Variants in GDF5 observed in about 807,000 individuals in gnomAD.
The protein encoded by GDF5 is growth/differentiation factor 5.
In GDF5, 17 loss-of-function variants were observed where a neutral mutation model predicts 34.6. That is an observed-to-expected ratio of 0.49 (90% CI 0.34 to 0.74). The LOEUF is 0.74. Ranked by LOEUF, GDF5 falls within the 30% of genes least tolerant of loss-of-function variation. GDF5 has a pLI of 0.01. For missense variants in GDF5, 616 were observed against 661.2 expected, an observed-to-expected ratio of 0.93 and a Z score of 0.75; for synonymous variants, 332 against 290.7, an observed-to-expected ratio of 1.14 and a Z score of -1.44.
intron 1 of GDF5, among the ~76,000 whole-genome samples, chr20:35,448,868 G>C (rs1377512308): frequency 6.6e-6 from 1 of 152,168 alleles, no homozygotes; most frequent in African/African-American, 2.4e-5. Context: ...TCAAGCTTGG[G>C]TACGCTGGTC....
intron 1 of GDF5, chr20:35,454,075 T>A (rs1285086885): frequency 2.0e-6 from 1 of 503,060 alleles, no homozygotes; most frequent in African/African-American, 2.0e-5. Flanking sequence ...GTTTTGTTTT[T>A]AATTCCTACT....
At chr20:35,435,696 A>G (rs1455698261) in intron 1 of GDF5, among the ~76,000 whole-genome samples, 11 of 151,640 alleles carry the variant, frequency 7.3e-5, no homozygotes, top group Non-Finnish European at 1.5e-5. Context: ...CTACAGCCCA[A>G]TTTTCCTGGC....
intron 1 of GDF5, 185 bp from the exon 2 acceptor site, chr20:35,434,968 A>G: frequency 1.4e-6 from 1 of 713,970 alleles, no homozygotes; most frequent in Non-Finnish European, 2.6e-6. Flanking sequence ...CATTTCCTAC[A>G]TAGCCGACCA....
Position 35,434,713 on chromosome 20 carries a change from C to T in GDF5, c.702G>A (p.Leu234=). ...GCAAGATCCGCAGCTCGGCCCCCAGCAGCCCATCCTTCTCCAGGGCACTAA... is the reference window on the plus strand; with the variant it reads ...GCAAGATCCGCAGCTCGGCCCCCAGTAGCCCATCCTTCTCCAGGGCACTAA... ...FDISALEKDG[L]LGAELRILRK... Residue 234 remains leucine, a synonymous_variant, in exon 2 of 2, where the codon CTG becomes CTA. Transcript: ENST00000374369. The T allele has an allele frequency of 1.2e-6, 2 of 1,611,986 alleles. No homozygotes were observed. Among genetic ancestry groups the T allele is most frequent in the Non-Finnish European group, 8.5e-7 (1 of 1,179,838 alleles).
chr20:35,441,466 T>C (rs1364458333), upstream of GDF5: 1 of 152,172 alleles, frequency 6.6e-6, no homozygotes, highest in Non-Finnish European at 1.5e-5. Flanking sequence ...TTTTTTTTTT[T>C]TTTTTTTAGA....
In GDF5 at chr20:35,433,908, G is replaced by T. The variant is rs1329101335; in HGVS notation, c.*1C>A. 1 of 1,612,774 alleles carries T rather than the reference G, an allele frequency of 6.2e-7. No homozygotes were observed. ...CCCAGGAAGACAGAGGGCCAGTGCT[G>T]CTACCTGCAGCCACACGACTCCACG... On this transcript the variant is annotated 3_prime_UTR_variant, in exon 2 of 2. Coordinates refer to ENST00000374369, the MANE Select transcript of GDF5 (RefSeq NM_000557.5).
At chr20:35,452,492 G>A (rs1453952504) in intron 1 of GDF5, among the ~76,000 whole-genome samples, 4 of 152,130 alleles carry the variant, frequency 2.6e-5, no homozygotes, top group Non-Finnish European at 4.4e-5. Context: ...GTGCAATCTC[G>A]GCTCACCGCA....
At chr20:35,451,090 T>C (rs1364997010) in intron 1 of GDF5, among the ~76,000 whole-genome samples, 4 of 131,364 alleles carry the variant, frequency 3.0e-5, no homozygotes, top group African/African-American at 1.1e-4. Context: ...TATATATATA[T>C]ATACACAAAT....
chr20:35,443,963 G>A lies in GDF5; in HGVS notation c.-397-2576C>T, dbSNP rs372537053. 4.6e-5 allele frequency among the ~76,000 whole-genome samples: 7 copies of A among 152,042 alleles called. No individual in the cohort carries two copies. In the East Asian group the frequency reaches 7.7e-4, roughly 17 times the overall value. On this transcript the variant is annotated intron_variant, in intron 1 of 3. Coordinates refer to the GDF5 transcript ENST00000374372. ...TATCCGAACCTCCCGAGATCTCTCC[G>A]GGAGTCAGTCCTGCACAGCACAGCA... is the stretch of plus-strand genomic sequence containing the variant.
rs769927369 is a variant in GDF5, at chr20:35,434,494, G to A, written c.921C>T (p.Ala307=). 6.2e-7 allele frequency: 1 copy of A among 1,609,498 alleles called. No homozygotes were observed. Among genetic ancestry groups the A allele is most frequent in the Non-Finnish European group, 8.5e-7 (1 of 1,177,592 alleles). Residue 307 remains alanine, a synonymous_variant, in exon 2 of 2, where the codon GCC becomes GCT. Transcript: ENST00000374369. ...WKLFRNFKNS[A]QLCLELEAWE... ...AGGCCTCCAGCTCCAGGCACAGCTG[G>A]GCCGAGTTCTTAAAGTTTCGGAAGA...
intron 1 of GDF5, among the ~76,000 whole-genome samples, chr20:35,443,322 C>A (rs535254662): frequency 3.7e-4 from 57 of 152,206 alleles, no homozygotes; most frequent in Non-Finnish European, 6.8e-4. Context: ...CAACCTCCCC[C>A]TCTCCTGTCA....
At chr20:35,450,919 C>T (rs1202369524) in intron 1 of GDF5, among the ~76,000 whole-genome samples, 1 of 151,306 alleles carries the variant, frequency 6.6e-6, no homozygotes, top group Admixed American at 6.6e-5. Context: ...TTAATCTTCC[C>T]CAAGGAGGAA....
At chr20:35,453,967 C>G (rs373529601) in intron 1 of GDF5, 39 of 534,482 alleles carry the variant, frequency 7.3e-5, no homozygotes, top group Non-Finnish European at 1.2e-4. Context: ...TCCCAATTAT[C>G]AGAATCACCC....
intron 1 of GDF5, chr20:35,454,233 C>T: frequency 8.6e-6 from 3 of 350,596 alleles, no homozygotes; most frequent in Non-Finnish European, 1.1e-5. Flanking sequence ...GCGGGAGGAT[C>T]ACGAGGTCAA....
chr20:35,437,775 G>C lies in GDF5; in HGVS notation c.154C>G (p.Pro52Ala). Reference protein sequence around the residue: ...LAKAEAKERPPLARNVFRPGG... With the variant: ...LAKAEAKERPALARNVFRPGG... Reference sequence around the variant, plus strand: ...GGCCTGAAGACGTTCCGGGCCAGGGGGGGCCTCTCCTTGGCCTCTGCTTTG... The same window carrying C: ...GGCCTGAAGACGTTCCGGGCCAGGGCGGGCCTCTCCTTGGCCTCTGCTTTG... Residue 52 changes from proline (P) to alanine (A), a missense_variant, in exon 1 of 2, where the codon CCC (proline) becomes GCC (alanine). By Grantham distance (27) the Pro-to-Ala change is conservative. Coordinates refer to ENST00000374369, the MANE Select transcript of GDF5 (RefSeq NM_000557.5). The C allele has an allele frequency of 6.2e-7, 1 of 1,613,022 alleles. No individual in the cohort carries two copies. Among genetic ancestry groups the C allele is most frequent in the East Asian group, 2.2e-5 (1 of 44,840 alleles).
At chr20:35,446,985 T>A (rs988554519) in intron 1 of GDF5, among the ~76,000 whole-genome samples, 6 of 152,152 alleles carry the variant, frequency 3.9e-5, no homozygotes, top group African/African-American at 9.6e-5. Context: ...TCTTTTCTTT[T>A]TTATTATTAT....
chr20:35,439,800 C>T (rs1428296313), upstream of GDF5, among the ~76,000 whole-genome samples: 3 of 151,910 alleles, frequency 2.0e-5, no homozygotes, highest in Non-Finnish European at 2.9e-5. Flanking sequence ...AGCCTTTCCT[C>T]GTCCCCAGAC....
At chr20:35,436,538 A>G (rs1209442708) in intron 1 of GDF5, among the ~76,000 whole-genome samples, 1 of 152,162 alleles carries the variant, frequency 6.6e-6, no homozygotes, top group African/African-American at 2.4e-5. Context: ...TGGAGAGGAA[A>G]AGCTGCAACA....
chr20:35,441,806 T>G (rs182652379), upstream of GDF5, among the ~76,000 whole-genome samples: 265 of 152,220 alleles, frequency 1.7e-3, 1 homozygote, highest in African/African-American at 6.2e-3. Context: ...ACTCTGGGTT[T>G]TGTACTCCAT....
Sources: allele counts gnomAD v4.1 joint callset (sites outside exome capture counted in the v4.1 genomes callset), GRCh38; gene constraint gnomAD v4.1.1; transcripts MANE v1.5; gene names NCBI Gene and HGNC (gene_info 2026-07-23, HGNC 2026-07-21).